The following PLCG1 variants were observed in gnomAD, a reference collection of about 807,000 sequenced individuals.
PLCG1 encodes the protein phospholipase C gamma 1.
PLCG1 carries 71 observed loss-of-function variants against 177.8 expected under a neutral mutation model. That is an observed-to-expected ratio of 0.40 (90% CI 0.33 to 0.49). The LOEUF (loss-of-function observed/expected upper bound fraction) is 0.49. Among genes scored for constraint, PLCG1 ranks in the 20% least tolerant of loss-of-function variants. The probability of loss-of-function intolerance (pLI) is 0.72; values close to 1 mark genes in which losing one functional copy is unlikely to be tolerated. For missense variants in PLCG1, 1,281 were observed against 1,709.0 expected (o/e 0.75, Z 4.42); for synonymous variants, 658 against 647.9 (o/e 1.02, Z -0.24).
Position 41,174,010 on chromosome 20 carries a change from A to C in PLCG1, c.3644A>C (p.Lys1215Thr). ...LLIKIDIFPA[K>T]QENGDLSPFS... ...ATCAAGATTGACATTTTCCCTGCCA[A>C]GGTATCTGCAGCAGGGGTGGGCTGG... The change falls in exon 30 of 32, where the codon AAG (lysine) becomes ACG (threonine). Residue 1215 changes from lysine (K) to threonine (T), a missense_variant and splice_region_variant. By Grantham distance (78) the Lys-to-Thr change is moderately conservative. This residue lies in a region of PLCG1 where 153 missense variants were observed against 153.2 expected (regional missense o/e 1.00). Coordinates refer to ENST00000685551, the MANE Select transcript of PLCG1 (RefSeq NM_002660.3). The surrounding 1 kb of genome is among the most constrained non-coding windows in gnomAD (Gnocchi z 5.8). 6.2e-7 allele frequency: 1 copy of C among 1,613,510 alleles called. No individual in the cohort carries two copies. Among genetic ancestry groups the C allele is most frequent in the South Asian group, 1.1e-5 (1 of 91,086 alleles).
intron 1 of PLCG1, among the ~76,000 whole-genome samples, chr20:41,143,684 T>A (rs1414444722): frequency 6.6e-6 from 1 of 152,218 alleles, no homozygotes; most frequent in African/African-American, 2.4e-5. Flanking sequence ...CCTGGAGATT[T>A]GTGGCTAGAG....
intron 20 of PLCG1, 88 bp downstream of exon 20, chr20:41,168,017 CTT>C (rs1568752315): frequency 1.1e-6 from 1 of 915,356 alleles, no homozygotes; most frequent in East Asian, 2.4e-5. Context: ...CATCTGTGGT[CTT>C]TGTGGAGAAG....
At chr20:41,155,165 T>A (rs1334674247) in intron 1 of PLCG1, among the ~76,000 whole-genome samples, 4 of 152,246 alleles carry the variant, frequency 2.6e-5, no homozygotes, top group South Asian at 2.1e-4. Flanking sequence ...AAATTCAGTC[T>A]TGTGGCATTT....
Position 41,172,611 on chromosome 20 carries a change from C to T in PLCG1, c.3096C>T (p.Gly1032=). 2 of 1,614,200 alleles carry T rather than the reference C, an allele frequency of 1.2e-6. No individual in the cohort carries two copies. Among genetic ancestry groups the T allele is most frequent in the Non-Finnish European group, 8.5e-7 (1 of 1,180,006 alleles). ...ATCCTTTGCCCATGTGGATCTGTGG[C>T]AGTCAGCTTGTGGCCCTCAACTTCC... ...NYDPLPMWIC[G]SQLVALNFQT... is the part of the protein sequence containing the mutation. Residue 1032 remains glycine, a synonymous_variant, in exon 26 of 32, where the codon GGC becomes GGT. Coordinates refer to ENST00000685551, the MANE Select transcript of PLCG1 (RefSeq NM_002660.3). The surrounding 1 kb of genome is among the most constrained non-coding windows in gnomAD (Gnocchi z 7.0).
Position 41,166,197 on chromosome 20 carries a change from G to C in PLCG1, c.1803G>C (p.Arg601=), listed in dbSNP as rs2035685827. The C allele has an allele frequency of 6.2e-6, 10 of 1,612,772 alleles. No homozygotes were observed. The highest frequency in any genetic ancestry group is 5.1e-6 in the Non-Finnish European group (6 of 1,179,924). Residue 601 remains arginine (R), a synonymous_variant, in exon 17 of 32, where the codon CGG becomes CGC. Coordinates refer to ENST00000685551, the MANE Select transcript of PLCG1 (RefSeq NM_002660.3). This position sits in a 1 kb window ranked among gnomAD's most constrained non-coding sequence, Gnocchi z 8.6. ...CCTCACTCTGTGTCTTCCACAGGCG[G>C]AACGGGAAAGTCCAGCACTGCCGTA... ...FVGDYTLSFW[R]NGKVQHCRIH...
At chr20:41,168,627 C>CT (rs1568753097) in intron 20 of PLCG1, 140 bp from the exon 21 acceptor site, 33 of 625,874 alleles carry the variant, frequency 5.3e-5, no homozygotes, top group Non-Finnish European at 8.8e-6. Context: ...TAACTAGGGC[C>CT]TGTTGATGGC....
chr20:41,159,537 G>C lies in PLCG1; in HGVS notation c.218-69G>C. 1 of 1,530,544 alleles carries C rather than the reference G, an allele frequency of 6.5e-7. No individual in the cohort carries two copies. The allele number at this position is 1,530,544 out of a possible 1,614,324, so 94.8% of individuals were successfully genotyped here. On this transcript the variant is annotated intron_variant, in intron 1 of 31. Transcript: ENST00000685551. The surrounding 1 kb of genome is among the most constrained non-coding windows in gnomAD (Gnocchi z 6.0). ...GAGAGTGTAAGAATGAGGAAACCAG[G>C]CTGCCCTCCTTTCGGTGTTGACTCT...
intron 24 of PLCG1, chr20:41,170,565 A>C (rs1356888187): frequency 3.1e-6 from 1 of 325,574 alleles, no homozygotes; most frequent in Non-Finnish European, 5.7e-6. Flanking sequence ...GGCTGGAAGC[A>C]GGAGTGGAGT....
rs946430817 is a variant in PLCG1, at chr20:41,168,022, T to A, written c.2379+93T>A. On this transcript the variant is annotated intron_variant, in intron 20 of 31. Coordinates refer to ENST00000685551, the MANE Select transcript of PLCG1 (RefSeq NM_002660.3). Reference sequence around the variant, plus strand: ...TGTTCTGGGCCATCTGTGGTCTTTGTGGAGAAGTGGTGGTTGTGGTTTTCC... The same window carrying A: ...TGTTCTGGGCCATCTGTGGTCTTTGAGGAGAAGTGGTGGTTGTGGTTTTCC... 9 of 883,850 alleles carry A rather than the reference T, an allele frequency of 1.0e-5. No homozygotes were observed. The Admixed American group carries it at 1.6e-4, about 16-fold the overall frequency. 54.8% of individuals were successfully genotyped at this position (883,850 alleles called of 1,614,324 possible).
At position 41,166,127 on chromosome 20, in the gene PLCG1, G is replaced by A; in HGVS notation, c.1800-67G>A. On this transcript the variant is annotated intron_variant, in intron 16 of 31. Transcript: ENST00000685551. This position sits in a 1 kb window ranked among gnomAD's most constrained non-coding sequence, Gnocchi z 8.6. ...CTCCTTGAGTTCCACCCTCATTTGG[G>A]GTGGAACTTGGTCTTTGGGGCCCTG... The A allele has an allele frequency of 7.1e-7, 1 of 1,398,924 alleles. No individual in the cohort carries two copies. Among genetic ancestry groups the A allele is most frequent in the Non-Finnish European group, 1.0e-6 (1 of 999,226 alleles). 86.7% of individuals were successfully genotyped at this position (1,398,924 alleles called of 1,614,324 possible).
Position 41,172,195 on chromosome 20 carries a change from C to T in PLCG1, c.2811C>T (p.Leu937=). The T allele has an allele frequency of 1.2e-6, 2 of 1,612,160 alleles. No homozygotes were observed. The highest frequency in any genetic ancestry group is 2.2e-5 in the East Asian group (1 of 44,866). ...REVAQTADAR[L]TEGKIMERRK... is the part of the protein sequence containing the mutation. Reference sequence around the variant, plus strand: ...CAGGGCCTTGTGTGTGTCACCAGCTCACTGAAGGGAAGATAATGGAACGGA... The same window carrying T: ...CAGGGCCTTGTGTGTGTCACCAGCTTACTGAAGGGAAGATAATGGAACGGA... Residue 937 remains leucine (L), a splice_region_variant and synonymous_variant, in exon 25 of 32, where the codon CTC becomes CTT. Coordinates refer to ENST00000685551, the MANE Select transcript of PLCG1 (RefSeq NM_002660.3). The surrounding 1 kb of genome is among the most constrained non-coding windows in gnomAD (Gnocchi z 7.0).
chr20:41,147,784 G>T lies in PLCG1; in HGVS notation c.217+9926G>T, dbSNP rs576348682. ...AATTGCTTGAACCCGGGAGGCAGAGGTTGCAGTGAGCCAAGATCGCGCCAT... is the reference window on the plus strand; with the variant it reads ...AATTGCTTGAACCCGGGAGGCAGAGTTTGCAGTGAGCCAAGATCGCGCCAT... On this transcript the variant is annotated intron_variant, in intron 1 of 31. Coordinates refer to ENST00000685551, the MANE Select transcript of PLCG1 (RefSeq NM_002660.3). This position sits in a 1 kb window ranked among gnomAD's most constrained non-coding sequence, Gnocchi z 4.0. 5.3e-5 allele frequency among the ~76,000 whole-genome samples: 8 copies of T among 152,070 alleles called. No homozygotes were observed. Among genetic ancestry groups the T allele is most frequent in the Admixed American group, 5.2e-4 (8 of 15,292 alleles).
rs762004278 is a variant in PLCG1, at chr20:41,163,917, C to T, written c.1011-4C>T. The T allele has an allele frequency of 6.2e-7, 1 of 1,613,822 alleles. No homozygotes were observed. The highest frequency in any genetic ancestry group is 1.3e-5 in the African/African-American group (1 of 74,914). Reference sequence around the variant, plus strand: ...TACCTACCTGCCTCTCCTTGCCTATCCAGGTACCTGACCGGGGACCAGTTC... The same window carrying T: ...TACCTACCTGCCTCTCCTTGCCTATTCAGGTACCTGACCGGGGACCAGTTC... On this transcript the variant is annotated splice_region_variant and splice_polypyrimidine_tract_variant and intron_variant, in intron 10 of 31. Transcript: ENST00000685551. This position sits in a 1 kb window ranked among gnomAD's most constrained non-coding sequence, Gnocchi z 5.2.
Position 41,167,871 on chromosome 20 carries a change from T to G in PLCG1, c.2321T>G (p.Leu774Arg). 1 of 1,613,476 alleles carries G rather than the reference T, an allele frequency of 6.2e-7. No individual in the cohort carries two copies. The highest frequency in any genetic ancestry group is 8.5e-7 in the Non-Finnish European group (1 of 1,179,508). ...IGTAEPDYGA[L>R]YEGRNPGFYV... ...TTCCAGGAGCCTGACTACGGGGCCC[T>G]GTATGAGGGACGCAACCCTGGCTTC... Residue 774 changes from leucine to arginine, a missense_variant, in exon 20 of 32, where the codon CTG becomes CGG. By Grantham distance (102) the Leu-to-Arg change is moderately radical. This residue lies in a region of PLCG1 where 723 missense variants were observed against 1,030.0 expected (regional missense o/e 0.70). Coordinates refer to ENST00000685551, the MANE Select transcript of PLCG1 (RefSeq NM_002660.3). This position sits in a 1 kb window ranked among gnomAD's most constrained non-coding sequence, Gnocchi z 4.4.
intron 1 of PLCG1, among the ~76,000 whole-genome samples, chr20:41,152,339 C>T (rs781299032): frequency 4.6e-5 from 7 of 152,246 alleles, no homozygotes; most frequent in Non-Finnish European, 8.8e-5. Context: ...GTTAGCTTCC[C>T]GTGGTTCCCA....
At position 41,157,798 on chromosome 20, in the gene PLCG1, G is replaced by T. The variant is rs1378453965; in HGVS notation, c.218-1808G>T. Among the ~76,000 whole-genome samples, 1 of 152,196 alleles carries T rather than the reference G, an allele frequency of 6.6e-6. No homozygotes were observed. The highest frequency in any genetic ancestry group is 6.5e-5 in the Admixed American group (1 of 15,274). On this transcript the variant is annotated intron_variant, in intron 1 of 31. Coordinates refer to ENST00000685551, the MANE Select transcript of PLCG1 (RefSeq NM_002660.3). This position sits in a 1 kb window ranked among gnomAD's most constrained non-coding sequence, Gnocchi z 5.4. ...TTAGTGTGGATGGAGCAGAGAGGGT[G>T]AGAGGGCAAAAGCTGGGGAGGTAAA...
chr20:41,172,446 C>T lies in PLCG1; in HGVS notation c.2931C>T (p.Tyr977=), dbSNP rs751675105. The change falls in exon 26 of 32, where the codon TAC becomes TAT. Residue 977 remains tyrosine, a synonymous_variant. Coordinates refer to ENST00000685551, the MANE Select transcript of PLCG1 (RefSeq NM_002660.3). This position sits in a 1 kb window ranked among gnomAD's most constrained non-coding sequence, Gnocchi z 7.0. ...EEKIGTERAC[Y]RDMSSFPETK... is the part of the protein sequence containing the mutation. The stretch of plus-strand genomic sequence containing the variant: ...AGATTGGCACAGAACGTGCTTGCTA[C>T]CGGGACATGTCATCCTTCCCGGAAA... The T allele has an allele frequency of 6.2e-6, 10 of 1,614,150 alleles. No homozygotes were observed. The highest frequency in any genetic ancestry group is 8.5e-6 in the Non-Finnish European group (10 of 1,179,988).
At chr20:41,162,234 TG>T (rs373281670) in intron 4 of PLCG1, 8,058 of 292,992 alleles carry the variant, frequency 0.028, 341 homozygotes, top group African/African-American at 0.038. Flanking sequence ...GTTTTGTTTT[TG>T]TTTTTTTTTT....
chr20:41,162,465 G>A lies in PLCG1; in HGVS notation c.526G>A (p.Asp176Asn). Residue 176 changes from aspartate (D) to asparagine (N), a missense_variant, in exon 5 of 32, where the codon GAC (aspartate) becomes AAC (asparagine). By Grantham distance (23) the Asp-to-Asn change is conservative. Transcript: ENST00000685551. ...RNREDRISAK[D>N]LKNMLSQVNY... is the part of the protein sequence containing the mutation. ...CTGTTTTCTCAGTATATCAGCCAAG[G>A]ACCTGAAGAACATGCTGTCCCAGGT... 1 of 1,613,636 alleles carries A rather than the reference G, an allele frequency of 6.2e-7. No individual in the cohort carries two copies. Among genetic ancestry groups the A allele is most frequent in the Non-Finnish European group, 8.5e-7 (1 of 1,179,696 alleles).
Sources: gnomAD v4.1 joint callset for allele counts (sites outside exome capture counted in the v4.1 genomes callset) on GRCh38, gnomAD v4.1.1 for gene constraint, gnomAD v4.1.1 regional missense constraint, Gnocchi (gnomAD v3.1) non-coding constraint, MANE v1.5 for transcripts, NCBI Gene and HGNC (gene_info 2026-07-23, HGNC 2026-07-21) for gene names.